Variants in CELSR3 observed in about 807,000 individuals in gnomAD.
The protein encoded by CELSR3 is EGF-like protein 1.
In CELSR3, 73 loss-of-function variants were observed where a neutral mutation model predicts 270.0. The ratio of observed to expected loss-of-function variants is 0.27; its 90% CI spans 0.22 to 0.33. The LOEUF (loss-of-function observed/expected upper bound fraction) is 0.33. Ranked by LOEUF, CELSR3 falls within the 10% of genes least tolerant of loss-of-function variation. The pLI is 1.00. For synonymous variants in CELSR3, 1,780 were observed against 1,905.4 expected, an observed-to-expected ratio of 0.93 and a Z score of 1.71; for missense variants, 3,614 against 4,533.8, an observed-to-expected ratio of 0.80 and a Z score of 5.83.
Position 48,661,201 on chromosome 3 carries a change from C to T in CELSR3, c.1434G>A (p.Ala478=). ...CGAAGGCGGCGGCAGCTGCAGCGCGCGCAGCTGGCGGCCCCACGAAGCGGT... is the reference window on the plus strand; with the variant it reads ...CGAAGGCGGCGGCAGCTGCAGCGCGTGCAGCTGGCGGCCCCACGAAGCGGT... ...LRYRFVGPPA[A]RAAAAAAFEI... is the part of the protein sequence containing the mutation. Residue 478 remains alanine (A), a synonymous_variant, in exon 1 of 35, where the codon GCG becomes GCA. Transcript: ENST00000164024. 3.1e-6 allele frequency: 5 copies of T among 1,599,058 alleles called. No individual in the cohort carries two copies. The highest frequency in any genetic ancestry group is 4.3e-6 in the Non-Finnish European group (5 of 1,172,356).
chr3:48,643,690 C>T lies in CELSR3; in HGVS notation c.8166-13G>A, dbSNP rs192677965. On this transcript the variant is annotated splice_polypyrimidine_tract_variant and intron_variant, in intron 27 of 34. Coordinates refer to ENST00000164024, the MANE Select transcript of CELSR3 (RefSeq NM_001407.3). ...GCTGCGAAGGGTCCTGCTGTGGGGA[C>T]ATGGGAAGACACAGGAGGACATGCA... The T allele has an allele frequency of 5.8e-4, 904 of 1,551,802 alleles. 10 individuals are homozygous for T. The East Asian group carries it at 0.019, about 33-fold the overall frequency.
In CELSR3 at chr3:48,640,605, A is replaced by T; in HGVS notation, c.9026-46T>A. On this transcript the variant is annotated intron_variant, in intron 33 of 34. Coordinates refer to ENST00000164024, the MANE Select transcript of CELSR3 (RefSeq NM_001407.3). The surrounding 1 kb of genome is among the most constrained non-coding windows in gnomAD (Gnocchi z 7.5). ...GGGGCAGGGTTTGTGTGGGAGGGGGAGGGCAGGCAGGAATTGCTGAGTCTA... is the reference window on the plus strand; with the variant it reads ...GGGGCAGGGTTTGTGTGGGAGGGGGTGGGCAGGCAGGAATTGCTGAGTCTA... 7.1e-7 allele frequency: 1 copy of T among 1,412,710 alleles called. No individual in the cohort carries two copies. Among genetic ancestry groups the T allele is most frequent in the Non-Finnish European group, 9.5e-7 (1 of 1,048,020 alleles). The allele number at this position is 1,412,710 out of a possible 1,614,324, so 87.5% of individuals were successfully genotyped here. A position where few individuals can be genotyped will look rare whatever the true frequency, so the allele number is the denominator to read the frequency against.
At position 48,660,950 on chromosome 3, in the gene CELSR3, G is replaced by A. The variant is rs1243283010; in HGVS notation, c.1685C>T (p.Thr562Ile). 6.2e-7 allele frequency: 1 copy of A among 1,613,920 alleles called. No homozygotes were observed. Among genetic ancestry groups the A allele is most frequent in the Admixed American group, 1.7e-5 (1 of 60,026 alleles). ...AQVREDVRPH[T>I]VVLRVTATDR... ...AGTGGCCGTGACGCGCAGCACGACT[G>A]TGTGGGGGCGCACATCCTCGCGCAC... The change falls in exon 1 of 35, where the codon ACA (threonine) becomes ATA (isoleucine). Residue 562 changes from threonine (T) to isoleucine (I), a missense_variant. By Grantham distance (89) the Thr-to-Ile change is moderately conservative. This residue lies in a region of CELSR3 where 354 missense variants were observed against 500.9 expected (regional missense o/e 0.71). Transcript: ENST00000164024. The surrounding 1 kb of genome is among the most constrained non-coding windows in gnomAD (Gnocchi z 5.5).
chr3:48,650,005 A>C lies in CELSR3; in HGVS notation c.6472+475T>G, dbSNP rs1575542327. ...TATAGGGTCCTCAGACTGAGGAGGG[A>C]TCTTTCGTGACCTCAGGCAGTGGGG... is the stretch of plus-strand genomic sequence containing the variant. On this transcript the variant is annotated intron_variant, in intron 16 of 34. Transcript: ENST00000164024. The surrounding 1 kb of genome is among the most constrained non-coding windows in gnomAD (Gnocchi z 5.1). Among the ~76,000 whole-genome samples the C allele has an allele frequency of 6.7e-6, 1 of 148,968 alleles. No individual in the cohort carries two copies. Among genetic ancestry groups the C allele is most frequent in the Admixed American group, 6.7e-5 (1 of 14,918 alleles).
chr3:48,640,670 G>T lies in CELSR3; in HGVS notation c.9026-111C>A. 1 of 1,233,490 alleles carries T rather than the reference G, an allele frequency of 8.1e-7. No individual in the cohort carries two copies. The highest frequency in any genetic ancestry group is 1.1e-6 in the Non-Finnish European group (1 of 910,464). 76.4% of individuals were successfully genotyped at this position (1,233,490 alleles called of 1,614,324 possible). A position where few individuals can be genotyped will look rare whatever the true frequency, so the allele number is the denominator to read the frequency against. On this transcript the variant is annotated intron_variant, in intron 33 of 34. Transcript: ENST00000164024. The surrounding 1 kb of genome is among the most constrained non-coding windows in gnomAD (Gnocchi z 7.5). ...CTTGGGATCCTTCCAACACAGGGAT[G>T]GGAGCAGGAACCCCTTGGGGAGCAG... is the stretch of plus-strand genomic sequence containing the variant.
At position 48,650,348 on chromosome 3, in the gene CELSR3, C is replaced by T. The variant is rs1203110702; in HGVS notation, c.6472+132G>A. The T allele has an allele frequency of 7.9e-6, 6 of 756,080 alleles. No individual in the cohort carries two copies. The African/African-American group carries it at 8.6e-5, about 11-fold the overall frequency. 46.8% of individuals were successfully genotyped at this position (756,080 alleles called of 1,614,324 possible). The stretch of plus-strand genomic sequence containing the variant: ...CAATGAGGGTGTAGGGAGGGGCCCA[C>T]ATGGACTCCCACCCCACTTCCACCT... On this transcript the variant is annotated intron_variant, in intron 16 of 34. Coordinates refer to ENST00000164024, the MANE Select transcript of CELSR3 (RefSeq NM_001407.3). This position sits in a 1 kb window ranked among gnomAD's most constrained non-coding sequence, Gnocchi z 5.1.
chr3:48,655,972 G>A lies in CELSR3; in HGVS notation c.4626-121C>T. 8.9e-7 allele frequency: 1 copy of A among 1,128,156 alleles called. No homozygotes were observed. Among genetic ancestry groups the A allele is most frequent in the East Asian group, 2.6e-5 (1 of 38,914 alleles). The allele number at this position is 1,128,156 out of a possible 1,614,324, so 69.9% of individuals were successfully genotyped here. The stretch of plus-strand genomic sequence containing the variant: ...AGAGAGGAAGCGACGAGGGACGGCG[G>A]GACCGACCGGGGGGACGCGGGTGCA... On this transcript the variant is annotated intron_variant, in intron 3 of 34. Transcript: ENST00000164024. The surrounding 1 kb of genome is among the most constrained non-coding windows in gnomAD (Gnocchi z 5.8).
At position 48,645,694 on chromosome 3, in the gene CELSR3, G is replaced by T. The variant is rs776487524; in HGVS notation, c.7591-45C>A. 1 of 1,600,448 alleles carries T rather than the reference G, an allele frequency of 6.2e-7. No homozygotes were observed. Among genetic ancestry groups the T allele is most frequent in the Non-Finnish European group, 8.5e-7 (1 of 1,170,114 alleles). On this transcript the variant is annotated intron_variant, in intron 23 of 34. Transcript: ENST00000164024. This position sits in a 1 kb window ranked among gnomAD's most constrained non-coding sequence, Gnocchi z 5.4. ...TGATGGGTTGTTGGGCAGAATCCCC[G>T]TGTCCCTTTGACCCCCCACTTCCTT...
At chr3:48,647,696 T>C in intron 20 of CELSR3, 145 bp downstream of exon 20, 1 of 505,098 alleles carries the variant, frequency 2.0e-6, no homozygotes, top group Admixed American at 4.2e-5. Context: ...AGGGGAAATA[T>C]GGGAGGGAGG....
In CELSR3 at chr3:48,661,080, C is replaced by T; in HGVS notation, c.1555G>A (p.Gly519Ser). The T allele has an allele frequency of 1.2e-6, 2 of 1,613,538 alleles. No individual in the cohort carries two copies. The highest frequency in any genetic ancestry group is 1.7e-6 in the Non-Finnish European group (2 of 1,179,972). The change falls in exon 1 of 35, where the codon GGC becomes AGC. Residue 519 changes from glycine to serine, a missense_variant. Coordinates refer to ENST00000164024, the MANE Select transcript of CELSR3 (RefSeq NM_001407.3). ...GCCGAGCGCGGCCCGGGTTCCTGGC[C>T]CTGGTCGCTGGCTTCCACCACCAGC... The part of the protein sequence containing the change: ...YELVVEASDQ[G>S]QEPGPRSATV...
At chr3:48,643,411 G>T in intron 28 of CELSR3, 143 bp downstream of exon 28, 3 of 1,165,688 alleles carry the variant, frequency 2.6e-6, no homozygotes, top group South Asian at 3.2e-5. Flanking sequence ...TAGGGCCAGT[G>T]TCTGGTCTGG....
At position 48,660,349 on chromosome 3, in the gene CELSR3, G is replaced by A. The variant is rs373918080; in HGVS notation, c.2286C>T (p.His762=). Residue 762 remains histidine, a synonymous_variant, in exon 1 of 35, where the codon CAC becomes CAT. Transcript: ENST00000164024. This position sits in a 1 kb window ranked among gnomAD's most constrained non-coding sequence, Gnocchi z 5.5. ...NRPEFTMKEY[H]LRLNEDAAVG... is the part of the protein sequence containing the mutation. Reference sequence around the variant, plus strand: ...CAGCTGCATCCTCATTCAGTCGTAGGTGGTACTCCTTCATTGTGAACTCAG... The same window carrying A: ...CAGCTGCATCCTCATTCAGTCGTAGATGGTACTCCTTCATTGTGAACTCAG... 3.5e-5 allele frequency: 56 copies of A among 1,614,038 alleles called. No individual in the cohort carries two copies. The African/African-American group carries it at 5.9e-4, about 17-fold the overall frequency.
chr3:48,656,689 C>A lies in CELSR3; in HGVS notation c.4399+9G>T. On this transcript the variant is annotated intron_variant, in intron 2 of 34. Transcript: ENST00000164024. ...GCTTCCCCCAGCTCTGGCCCGGCGCCCTGCTCACCGGTGAAGCGCGGGCGG... is the reference window on the plus strand; with the variant it reads ...GCTTCCCCCAGCTCTGGCCCGGCGCACTGCTCACCGGTGAAGCGCGGGCGG... 6.8e-7 allele frequency: 1 copy of A among 1,474,054 alleles called. No individual in the cohort carries two copies. Among genetic ancestry groups the A allele is most frequent in the South Asian group, 1.4e-5 (1 of 71,772 alleles). The allele number at this position is 1,474,054 out of a possible 1,614,324, so 91.3% of individuals were successfully genotyped here. A position where few individuals can be genotyped will look rare whatever the true frequency, so the allele number is the denominator to read the frequency against.
In CELSR3 at chr3:48,661,353, C is replaced by G; in HGVS notation, c.1282G>C (p.Asp428His). 1 of 1,613,054 alleles carries G rather than the reference C, an allele frequency of 6.2e-7. No homozygotes were observed. Among genetic ancestry groups the G allele is most frequent in the Non-Finnish European group, 8.5e-7 (1 of 1,179,876 alleles). ...MVAVTVADRN[D>H]HSPVFEQAQY... The stretch of plus-strand genomic sequence containing the variant: ...GCTTGCTCAAAAACCGGCGAGTGGT[C>G]GTTGCGGTCGGCTACTGTCACGGCC... The change falls in exon 1 of 35, where the codon GAC becomes CAC. Residue 428 changes from aspartate to histidine, a missense_variant. This residue lies in a region of CELSR3 where 354 missense variants were observed against 500.9 expected (regional missense o/e 0.71). Coordinates refer to ENST00000164024, the MANE Select transcript of CELSR3 (RefSeq NM_001407.3).
Position 48,660,507 on chromosome 3 carries a change from C to T in CELSR3, c.2128G>A (p.Val710Met). 1.2e-6 allele frequency: 2 copies of T among 1,614,164 alleles called. No homozygotes were observed. The highest frequency in any genetic ancestry group is 1.7e-6 in the Non-Finnish European group (2 of 1,180,038). The stretch of plus-strand genomic sequence containing the variant: ...GACTCACGGTCCAGGGGACCACTCA[C>T]AGAGACCCAGCCAGTGGCGCTGTTT... ...VINSATGWVS[V>M]SGPLDRESVE... The change falls in exon 1 of 35, where the codon GTG becomes ATG. Residue 710 changes from valine to methionine, a missense_variant. By Grantham distance (21) the Val-to-Met change is conservative. Transcript: ENST00000164024. The surrounding 1 kb of genome is among the most constrained non-coding windows in gnomAD (Gnocchi z 5.5).
rs781293965 is a variant in CELSR3, at chr3:48,639,864, C to G, written c.9721G>C (p.Glu3241Gln). The change falls in exon 34 of 35, where the codon GAA (glutamate) becomes CAA (glutamine). Residue 3241 changes from glutamate (E) to glutamine (Q), a missense_variant. Around this residue, in one of 7 missense-constraint regions of CELSR3, gnomAD observed 1,240 missense variants for 1,351.7 expected, o/e 0.92. Coordinates refer to ENST00000164024, the MANE Select transcript of CELSR3 (RefSeq NM_001407.3). This position sits in a 1 kb window ranked among gnomAD's most constrained non-coding sequence, Gnocchi z 4.1. ...ATGGAGGAAAGAATGTCCAACTGTT[C>G]TGTGGAGGGGCCATGGCTGGGGCCA... Reference protein sequence around the residue: ...VSGPSHGPSTEQLDILSSILA... With the variant: ...VSGPSHGPSTQQLDILSSILA... 2 of 1,613,566 alleles carry G rather than the reference C, an allele frequency of 1.2e-6. No individual in the cohort carries two copies. The highest frequency in any genetic ancestry group is 1.3e-5 in the African/African-American group (1 of 74,930).
chr3:48,646,946 G>A lies in CELSR3; in HGVS notation c.7130-18C>T. 1 of 1,505,058 alleles carries A rather than the reference G, an allele frequency of 6.6e-7. No individual in the cohort carries two copies. The allele number at this position is 1,505,058 out of a possible 1,614,324, so 93.2% of individuals were successfully genotyped here. A position where few individuals can be genotyped will look rare whatever the true frequency, so the allele number is the denominator to read the frequency against. ...GGGCAGAACTGCCAGGAGAGAAGGA[G>A]GAGCTTCTGTCAGTGACCTTTGACC... On this transcript the variant is annotated intron_variant, in intron 20 of 34. Coordinates refer to ENST00000164024, the MANE Select transcript of CELSR3 (RefSeq NM_001407.3). This position sits in a 1 kb window ranked among gnomAD's most constrained non-coding sequence, Gnocchi z 4.8.
At chr3:48,643,787 G>T in intron 27 of CELSR3, 110 bp from the exon 28 acceptor site, 1 of 1,304,430 alleles carries the variant, frequency 7.7e-7, no homozygotes, top group Non-Finnish European at 1.0e-6. Context: ...TGAAAAAAAG[G>T]AACTCACACG....
In CELSR3 at chr3:48,661,782, G is replaced by A. The variant is rs1053309812; in HGVS notation, c.853C>T (p.Arg285Cys). Residue 285 changes from arginine to cysteine, a missense_variant, in exon 1 of 35, where the codon CGC becomes TGC. Arg to Cys is a radical substitution (Grantham distance 180). Around this residue, in one of 7 missense-constraint regions of CELSR3, gnomAD observed 470 missense variants for 469.7 expected, o/e 1.00. Transcript: ENST00000164024. ...GGCCCGGGGCGCTGCGGGAGGAAGC[G>A]GCAGCGGAAGAGACCCCGGGAGCGC... is the stretch of plus-strand genomic sequence containing the variant. ...RMRSRGLFRC[R>C]FLPQRPGPRP... 3.7e-6 allele frequency: 6 copies of A among 1,602,816 alleles called. No individual in the cohort carries two copies. In the Admixed American group the frequency reaches 6.8e-5, roughly 18 times the overall value.
Sources: allele counts gnomAD v4.1 joint callset (sites outside exome capture counted in the v4.1 genomes callset), GRCh38; gene constraint gnomAD v4.1.1; regional missense constraint gnomAD v4.1.1; non-coding constraint Gnocchi (gnomAD v3.1); transcripts MANE v1.5; gene names NCBI Gene and HGNC (gene_info 2026-07-23, HGNC 2026-07-21).